The following MAGI2 variants were observed in gnomAD, a reference collection of about 807,000 sequenced individuals.
MAGI2 encodes membrane associated guanylate kinase, WW and PDZ domain containing 2, also known as membrane-associated guanylate kinase, WW and PDZ domain-containing protein 2.
MAGI2 carries 35 observed loss-of-function variants against 133.3 expected under a neutral mutation model. The ratio of observed to expected loss-of-function variants is 0.26; its 90% CI spans 0.20 to 0.35. MAGI2 has a LOEUF of 0.35. Ranked by LOEUF, MAGI2 falls within the 10% of genes least tolerant of loss-of-function variation. The probability of loss-of-function intolerance (pLI) is 1.00; values close to 1 mark genes in which losing one functional copy is unlikely to be tolerated. For synonymous variants in MAGI2, 729 were observed against 710.6 expected (o/e 1.03, Z -0.41); for missense variants, 1,636 against 1,863.4 (o/e 0.88, Z 2.25).
At position 79,299,148 on chromosome 7, in the gene MAGI2, A is replaced by T. The variant is rs1297041187; in HGVS notation, c.301+153872T>A. Among the ~76,000 whole-genome samples the T allele has an allele frequency of 3.2e-4, 49 of 152,124 alleles. 1 individual carries two copies. Among genetic ancestry groups the T allele is most frequent in the Admixed American group, 3.2e-3 (49 of 15,254 alleles). ...GTTTTATAATAGATGCATGCTCAGA[A>T]TTGTGAGCATGGTGGGGAGTGGAAG... is the stretch of plus-strand genomic sequence containing the variant. On this transcript the variant is annotated intron_variant, in intron 1 of 21. Transcript: ENST00000354212.
At chr7:79,185,473 T>C (rs1402824011) in intron 1 of MAGI2, among the ~76,000 whole-genome samples, 1 of 151,702 alleles carries the variant, frequency 6.6e-6, no homozygotes, top group Non-Finnish European at 1.5e-5. Context: ...GCTCCAGCTT[T>C]CTTTTAATTT....
intron 6 of MAGI2, among the ~76,000 whole-genome samples, chr7:78,474,329 G>C (rs1584302252): frequency 6.6e-6 from 1 of 151,990 alleles, no homozygotes; most frequent in Non-Finnish European, 1.5e-5. Context: ...ATGTGATAGT[G>C]CATCAGCTTA....
chr7:78,953,572 A>G (rs1224936966), intron 2 of MAGI2, among the ~76,000 whole-genome samples: 1 of 152,176 alleles, frequency 6.6e-6, no homozygotes, highest in East Asian at 1.9e-4. Flanking sequence ...ATTATAACCC[A>G]GTAGTTTAAA....
chr7:78,352,051 T>A (rs1347725259), intron 7 of MAGI2: 1 of 152,088 alleles, frequency 6.6e-6, no homozygotes, highest in Non-Finnish European at 1.5e-5. Flanking sequence ...CCTTACAGAG[T>A]TGTTGTGCAT....
chr7:78,334,704 G>A (rs1003474710), intron 9 of MAGI2, among the ~76,000 whole-genome samples: 3 of 152,152 alleles, frequency 2.0e-5, no homozygotes, highest in Admixed American at 1.3e-4. Context: ...ACAGGCAGTC[G>A]TAGCCCAGGC....
intron 9 of MAGI2, among the ~76,000 whole-genome samples, chr7:78,294,667 T>TATCA (rs60208708): frequency 0.082 from 12,416 of 152,154 alleles, 1,178 homozygotes; most frequent in African/African-American, 0.23. Flanking sequence ...CAATGCCATC[T>TATCA]ATCAGCAAAT....
intron 2 of MAGI2, among the ~76,000 whole-genome samples, chr7:78,667,797 A>T (rs1288430197): frequency 6.6e-6 from 1 of 151,954 alleles, no homozygotes; most frequent in African/African-American, 2.4e-5. Flanking sequence ...TCATTATTGG[A>T]CATTTGGGTT....
At chr7:78,463,314 T>C (rs1371716072) in intron 6 of MAGI2, among the ~76,000 whole-genome samples, 2 of 152,178 alleles carry the variant, frequency 1.3e-5, no homozygotes, top group African/African-American at 4.8e-5. Context: ...ACATACATAG[T>C]AGACAGTGAG....
At chr7:79,075,130 C>T (rs893447413) in intron 1 of MAGI2, among the ~76,000 whole-genome samples, 1 of 152,176 alleles carries the variant, frequency 6.6e-6, no homozygotes, top group African/African-American at 2.4e-5. Context: ...CTTCTCTTCT[C>T]GATCTTCTCT....
intron 2 of MAGI2, among the ~76,000 whole-genome samples, chr7:78,932,781 A>G (rs2151661162): frequency 6.6e-6 from 1 of 152,294 alleles, no homozygotes; most frequent in East Asian, 1.9e-4. Flanking sequence ...AAATTCATTG[A>G]CAAGTTTGCC....
intron 2 of MAGI2, among the ~76,000 whole-genome samples, chr7:79,003,510 T>G (rs11975533): frequency 2.4e-4 from 37 of 152,318 alleles, no homozygotes; most frequent in Non-Finnish European, 1.9e-4. Context: ...AATGATATAG[T>G]CTTCAGTAGT....
intron 2 of MAGI2, among the ~76,000 whole-genome samples, chr7:78,695,157 A>G (rs140292064): frequency 0.051 from 7,810 of 151,846 alleles, 280 homozygotes; most frequent in Non-Finnish European, 0.077. Context: ...CCAGGGAGGC[A>G]GAGGTTGCAG....
At chr7:79,313,624 A>G (rs1295272944) in intron 1 of MAGI2, among the ~76,000 whole-genome samples, 2 of 152,212 alleles carry the variant, frequency 1.3e-5, no homozygotes, top group African/African-American at 2.4e-5. Context: ...CAGGATAAAG[A>G]TAATAAGGAG....
intron 2 of MAGI2, among the ~76,000 whole-genome samples, chr7:78,648,946 C>T (rs1811201405): frequency 6.6e-6 from 1 of 151,806 alleles, no homozygotes; most frequent in South Asian, 2.1e-4. Flanking sequence ...CAATTTTCAC[C>T]CTGGGTGACC....
At chr7:79,407,950 G>A (rs1250847907) in intron 1 of MAGI2, among the ~76,000 whole-genome samples, 1 of 152,010 alleles carries the variant, frequency 6.6e-6, no homozygotes, top group African/African-American at 2.4e-5. Flanking sequence ...ACCATAGATA[G>A]TAGACTAAAA....
At chr7:78,167,658 C>T (rs1825742214) in intron 15 of MAGI2, among the ~76,000 whole-genome samples, 2 of 152,154 alleles carry the variant, frequency 1.3e-5, no homozygotes, top group African/African-American at 4.8e-5. Flanking sequence ...GCATACATAC[C>T]TTAAATTAGC....
chr7:79,365,247 A>G (rs1842624607), intron 1 of MAGI2, among the ~76,000 whole-genome samples: 1 of 152,224 alleles, frequency 6.6e-6, no homozygotes, highest in Non-Finnish European at 1.5e-5. Flanking sequence ...CAAAGCGTGG[A>G]GAGAATGTGG....
At chr7:79,237,063 T>C (rs964949556) in intron 1 of MAGI2, among the ~76,000 whole-genome samples, 1 of 151,984 alleles carries the variant, frequency 6.6e-6, no homozygotes, top group African/African-American at 2.4e-5. Flanking sequence ...AAAAATAACT[T>C]GAATAGACAG....
intron 1 of MAGI2, among the ~76,000 whole-genome samples, chr7:79,134,792 A>G (rs1309753296): frequency 2.0e-5 from 3 of 152,228 alleles, no homozygotes; most frequent in Non-Finnish European, 4.4e-5. Flanking sequence ...GTATGAAGGA[A>G]TGTTTGTAAA....
Sources: gnomAD v4.1 joint callset for allele counts (sites outside exome capture counted in the v4.1 genomes callset) on GRCh38, gnomAD v4.1.1 for gene constraint, MANE v1.5 for transcripts, NCBI Gene and HGNC (gene_info 2026-07-23, HGNC 2026-07-21) for gene names.